The following PPP2R2B variants were observed in gnomAD, a reference collection of about 807,000 sequenced individuals.
PPP2R2B encodes protein phosphatase 2 regulatory subunit Bbeta, also known as serine/threonine-protein phosphatase 2A 55 kDa regulatory subunit B beta isoform.
Under a neutral mutation model 46.0 loss-of-function variants are expected in PPP2R2B, and 5 were observed. The ratio of observed to expected loss-of-function variants is 0.11; its 90% confidence interval spans 0.06 to 0.23. PPP2R2B has a LOEUF of 0.23. Among genes scored for constraint, PPP2R2B ranks in the 10% least tolerant of loss-of-function variants. The pLI, the probability that PPP2R2B is intolerant of heterozygous loss-of-function variation, is 1.00. For synonymous variants in PPP2R2B, 215 were observed against 206.7 expected (o/e 1.04, Z -0.34); for missense variants, 367 against 575.0 (o/e 0.64, Z 3.70).
intron 2 of PPP2R2B, among the ~76,000 whole-genome samples, chr5:146,860,690 G>C (rs947914928): frequency 1.3e-5 from 2 of 152,176 alleles, no homozygotes; most frequent in African/African-American, 4.8e-5. Flanking sequence ...ACCACCCTCT[G>C]TGTCAATAAA....
intron 5 of PPP2R2B, among the ~76,000 whole-genome samples, chr5:146,689,101 A>G (rs985883007): frequency 6.6e-6 from 1 of 152,206 alleles, no homozygotes; most frequent in Non-Finnish European, 1.5e-5. Flanking sequence ...AGTAGGGGGT[A>G]ATAATAGCCA....
At chr5:146,711,611 G>A (rs1028457521) in intron 2 of PPP2R2B, among the ~76,000 whole-genome samples, 2 of 152,198 alleles carry the variant, frequency 1.3e-5, no homozygotes, top group African/African-American at 4.8e-5. Flanking sequence ...TCCTACTTGG[G>A]AGAGGGCATG....
chr5:146,901,885 C>T (rs1039645263), intron 1 of PPP2R2B, among the ~76,000 whole-genome samples: 4 of 152,204 alleles, frequency 2.6e-5, no homozygotes, highest in African/African-American at 4.8e-5. Flanking sequence ...ATGCTTGGAG[C>T]GTTCAGGAAC....
At chr5:146,682,823 T>C (rs762341747) in intron 5 of PPP2R2B, among the ~76,000 whole-genome samples, 4 of 152,194 alleles carry the variant, frequency 2.6e-5, no homozygotes, top group Admixed American at 6.5e-5. Context: ...TCATGGATGC[T>C]CATTCTAAAT....
intron 7 of PPP2R2B, among the ~76,000 whole-genome samples, chr5:146,608,700 G>A (rs543389796): frequency 3.9e-4 from 60 of 152,218 alleles, no homozygotes; most frequent in Admixed American, 7.8e-4. Flanking sequence ...GAGAAGAATC[G>A]CTTGAACCCA....
At chr5:146,833,538 A>G (rs1362083338) in intron 2 of PPP2R2B, among the ~76,000 whole-genome samples, 1 of 152,184 alleles carries the variant, frequency 6.6e-6, no homozygotes, top group African/African-American at 2.4e-5. Flanking sequence ...CAATGTGACA[A>G]GGCAGTGTCT....
chr5:146,590,176 T>A lies in PPP2R2B; in HGVS notation c.1103A>T (p.Asn368Ile), dbSNP rs1288416480. Residue 368 changes from asparagine to isoleucine, a missense_variant, in exon 10 of 10, where the codon AAC becomes ATC. By Grantham distance (149) the Asn-to-Ile change is moderately radical. Transcript: ENST00000394411. ...YNNFFRMFDR[N>I]TKRDVTLEAS... ...CTCAAGGGTCACATCACGCTTGGTG[T>A]TTCTGTCGAACATCCTGAAGAAGTT... The A allele has an allele frequency of 2.5e-6, 4 of 1,613,804 alleles. No homozygotes were observed. Among genetic ancestry groups the A allele is most frequent in the Non-Finnish European group, 3.4e-6 (4 of 1,179,990 alleles).
upstream of PPP2R2B, among the ~76,000 whole-genome samples, chr5:147,059,163 G>A (rs1757182038): frequency 6.6e-6 from 1 of 152,136 alleles, no homozygotes; most frequent in Non-Finnish European, 1.5e-5. Context: ...CTCTAAAGAA[G>A]TGCATATTCC....
chr5:146,641,105 G>A (rs1311795187), intron 6 of PPP2R2B, among the ~76,000 whole-genome samples: 1 of 152,150 alleles, frequency 6.6e-6, no homozygotes, highest in Non-Finnish European at 1.5e-5. Context: ...GCTGATCAGG[G>A]GCCAGGCCTG....
chr5:147,062,338 T>A (rs1757283928), intron 2 of PPP2R2B, among the ~76,000 whole-genome samples: 1 of 152,202 alleles, frequency 6.6e-6, no homozygotes, highest in African/African-American at 2.4e-5. Flanking sequence ...CATCAAGTGA[T>A]GCATGACGGT....
At chr5:147,009,843 T>TTA (rs1179839228) in intron 1 of PPP2R2B, among the ~76,000 whole-genome samples, 9 of 136,310 alleles carry the variant, frequency 6.6e-5, no homozygotes, top group African/African-American at 2.0e-4. Context: ...TTATACATAT[T>TTA]TATATATATA....
chr5:146,942,571 T>C (rs943916570), intron 1 of PPP2R2B, among the ~76,000 whole-genome samples: 3 of 152,166 alleles, frequency 2.0e-5, no homozygotes, highest in African/African-American at 7.2e-5. Context: ...AAGAAAAATA[T>C]GCATTTTTAT....
chr5:147,077,161 ATAT>A (rs1211157972), intron 2 of PPP2R2B, among the ~76,000 whole-genome samples: 21 of 145,790 alleles, frequency 1.4e-4, no homozygotes, highest in South Asian at 6.3e-4. Flanking sequence ...TGTATATTGT[ATAT>A]TATTATATAT....
intron 2 of PPP2R2B, among the ~76,000 whole-genome samples, chr5:146,866,115 G>T (rs190665241): frequency 4.6e-5 from 7 of 152,342 alleles, no homozygotes; most frequent in Admixed American, 2.6e-4. Flanking sequence ...GACAAAGGCT[G>T]TATGGTCAGC....
At chr5:146,861,482 C>T (rs1295595478) in intron 2 of PPP2R2B, among the ~76,000 whole-genome samples, 4 of 152,200 alleles carry the variant, frequency 2.6e-5, no homozygotes, top group Admixed American at 6.5e-5. Context: ...TGAGCCACCG[C>T]GCCCGTCGTC....
chr5:146,993,747 C>T (rs749298202), intron 1 of PPP2R2B, among the ~76,000 whole-genome samples: 24 of 152,144 alleles, frequency 1.6e-4, no homozygotes, highest in Non-Finnish European at 3.2e-4. Flanking sequence ...ATGACACTTG[C>T]TATCATCATC....
intron 2 of PPP2R2B, among the ~76,000 whole-genome samples, chr5:146,871,106 G>A (rs763003897): frequency 1.3e-5 from 2 of 152,176 alleles, no homozygotes; most frequent in Non-Finnish European, 2.9e-5. Flanking sequence ...GAGTTCTATT[G>A]GAGTCAAAAG....
intron 7 of PPP2R2B, chr5:146,616,956 A>G (rs1341794726): frequency 2.0e-5 from 3 of 152,424 alleles, no homozygotes; most frequent in Non-Finnish European, 4.4e-5. Context: ...AATAGCCAAG[A>G]TTTGGAAGCA....
intron 7 of PPP2R2B, among the ~76,000 whole-genome samples, chr5:146,627,098 G>T (rs1159849063): frequency 6.6e-6 from 1 of 152,178 alleles, no homozygotes; most frequent in African/African-American, 2.4e-5. Context: ...GGTGGTATCA[G>T]TGAATTCTGC....
Sources: allele counts gnomAD v4.1 joint callset (sites outside exome capture counted in the v4.1 genomes callset), GRCh38; gene constraint gnomAD v4.1.1; transcripts MANE v1.5; gene names NCBI Gene and HGNC (gene_info 2026-07-23, HGNC 2026-07-21).